Variants in THRB observed in about 807,000 individuals in gnomAD.
The protein encoded by THRB is nuclear receptor subfamily 1 group A member 2.
Under a neutral mutation model 47.8 loss-of-function variants are expected in THRB, and 12 were observed. The observed-to-expected ratio is 0.25, with a 90% CI of 0.16 to 0.41. The LOEUF is 0.41. Among genes scored for constraint, THRB ranks in the 10% least tolerant of loss-of-function variants. The pLI is 1.00. For synonymous variants in THRB, 218 were observed against 212.2 expected (o/e 1.03, Z -0.24); for missense variants, 348 against 589.2 (o/e 0.59, Z 4.24).
chr3:24,175,725 C>T (rs937569699), intron 5 of THRB, among the ~76,000 whole-genome samples: 5 of 152,056 alleles, frequency 3.3e-5, no homozygotes, highest in African/African-American at 1.2e-4. Flanking sequence ...TAAAAAAATG[C>T]AAAAATATTT....
intron 4 of THRB, among the ~76,000 whole-genome samples, chr3:24,228,101 A>G (rs2047858468): frequency 1.3e-5 from 2 of 152,198 alleles, no homozygotes; most frequent in African/African-American, 4.8e-5. Flanking sequence ...GTGATTGCTT[A>G]GAGTGGGAGA....
intron 1 of THRB, among the ~76,000 whole-genome samples, chr3:24,340,019 G>T (rs1288557506): frequency 6.6e-6 from 1 of 152,216 alleles, no homozygotes; most frequent in African/African-American, 2.4e-5. Flanking sequence ...GCATGAAACA[G>T]TTCATTTTGT....
intron 5 of THRB, among the ~76,000 whole-genome samples, chr3:24,183,368 C>CTTT (rs1193344905): frequency 1.0e-3 from 85 of 84,212 alleles, no homozygotes; most frequent in African/African-American, 2.9e-3. Flanking sequence ...TTTTTCTTTT[C>CTTT]TTTTTTTTTT....
intron 5 of THRB, among the ~76,000 whole-genome samples, chr3:24,166,684 T>G (rs551991158): frequency 6.6e-6 from 1 of 152,312 alleles, no homozygotes; most frequent in African/African-American, 2.4e-5. Flanking sequence ...AGGGATTCCT[T>G]CCGTTTCTTA....
Position 24,122,843 on chromosome 3 carries a change from C to A in THRB, c.*41G>T. 1 of 1,613,824 alleles carries A rather than the reference C, an allele frequency of 6.2e-7. No individual in the cohort carries two copies. Among genetic ancestry groups the A allele is most frequent in the South Asian group, 1.1e-5 (1 of 91,048 alleles). On this transcript the variant is annotated 3_prime_UTR_variant, in exon 11 of 11. Coordinates refer to ENST00000646209, the MANE Select transcript of THRB (RefSeq NM_001354712.2). ...GCTAGGCAATGGAATGAAATGACAC[C>A]CAGTAGTGCTGTAGGAATTATGAGA...
chr3:24,123,787 G>A (rs1444494745), intron 10 of THRB, among the ~76,000 whole-genome samples: 1 of 152,144 alleles, frequency 6.6e-6, no homozygotes, highest in African/African-American at 2.4e-5. Context: ...ACCCCATGCA[G>A]AGAAGAGAAC....
chr3:24,208,429 C>T (rs939572933), intron 4 of THRB, among the ~76,000 whole-genome samples: 21 of 152,250 alleles, frequency 1.4e-4, no homozygotes, highest in South Asian at 2.1e-4. Flanking sequence ...GGAGGCATCA[C>T]GCTACCTGGC....
At chr3:24,335,829 G>A (rs1344584880) in intron 2 of THRB, among the ~76,000 whole-genome samples, 1 of 152,178 alleles carries the variant, frequency 6.6e-6, no homozygotes, top group Non-Finnish European at 1.5e-5. Flanking sequence ...TCTGTAAATT[G>A]AGGAGAATGC....
chr3:24,361,488 G>T (rs939014069), intron 1 of THRB, among the ~76,000 whole-genome samples: 3 of 152,064 alleles, frequency 2.0e-5, no homozygotes, highest in Non-Finnish European at 4.4e-5. Flanking sequence ...CAAAAAGAGG[G>T]GGCAGGAGGC....
intron 1 of THRB, among the ~76,000 whole-genome samples, chr3:24,442,785 T>C (rs914498344): frequency 3.5e-5 from 5 of 141,966 alleles, no homozygotes; most frequent in Non-Finnish European, 6.2e-5. Context: ...GATCGTGCCA[T>C]TGTACTCCAG....
At chr3:24,440,354 G>A (rs2125394382) in intron 1 of THRB, among the ~76,000 whole-genome samples, 1 of 152,086 alleles carries the variant, frequency 6.6e-6, no homozygotes, top group Middle Eastern at 3.4e-3. Flanking sequence ...TACCTTGATG[G>A]GGCTAAGAGT....
At chr3:24,233,563 G>GAAAGAAAGAGAAAGAA (rs2048489441) in intron 3 of THRB, among the ~76,000 whole-genome samples, 1 of 77,352 alleles carries the variant, frequency 1.3e-5, no homozygotes, top group Non-Finnish European at 3.1e-5. Context: ...GAAAAAGGAA[G>GAAAGAAAGAGAAAGAA]AAAGAAAGAA....
intron 3 of THRB, among the ~76,000 whole-genome samples, chr3:24,263,047 G>A (rs2052243080): frequency 6.6e-6 from 1 of 152,138 alleles, no homozygotes; most frequent in Non-Finnish European, 1.5e-5. Context: ...ATATTAGTGT[G>A]ACATACAGGG....
chr3:24,491,333 C>A (rs1560320692), intron 1 of THRB, among the ~76,000 whole-genome samples: 1 of 152,170 alleles, frequency 6.6e-6, no homozygotes, highest in East Asian at 1.9e-4. Flanking sequence ...AAACAAATCA[C>A]CATAATCTTC....
rs1406988134 is a variant in THRB, at chr3:24,120,907, T to C, written c.*1977A>G. The stretch of plus-strand genomic sequence containing the variant: ...AAGCCAGTACAATTGCTTTCATGCA[T>C]TGAATATTTAATTCCCCGCTCCCAG... On this transcript the variant is annotated 3_prime_UTR_variant, in exon 11 of 11. Transcript: ENST00000646209. 3.3e-5 allele frequency: 5 copies of C among 152,242 alleles called. No individual in the cohort carries two copies. Among genetic ancestry groups the C allele is most frequent in the Non-Finnish European group, 7.3e-5 (5 of 68,036 alleles). The allele number at this position is 152,242 out of a possible 1,614,324, so 9.4% of individuals were successfully genotyped here.
At chr3:24,381,339 T>G (rs980925607) in intron 1 of THRB, among the ~76,000 whole-genome samples, 1 of 152,046 alleles carries the variant, frequency 6.6e-6, no homozygotes, top group Non-Finnish European at 1.5e-5. Flanking sequence ...GAAAAGCACT[T>G]CTAGGAGAGT....
At chr3:24,157,353 A>G (rs1260289992) in intron 5 of THRB, among the ~76,000 whole-genome samples, 1 of 151,902 alleles carries the variant, frequency 6.6e-6, no homozygotes, top group Non-Finnish European at 1.5e-5. Flanking sequence ...AGGAGGGGCG[A>G]GCAGGAGGAC....
chr3:24,454,678 G>T (rs534322729), intron 1 of THRB, among the ~76,000 whole-genome samples: 2 of 152,116 alleles, frequency 1.3e-5, no homozygotes, highest in African/African-American at 2.4e-5. Context: ...TCCTCATATA[G>T]AATTTATAAT....
intron 2 of THRB, among the ~76,000 whole-genome samples, chr3:24,324,781 G>C (rs2058703756): frequency 6.6e-6 from 1 of 152,140 alleles, no homozygotes; most frequent in African/African-American, 2.4e-5. Flanking sequence ...GTAATCTGTT[G>C]GTTGCTAAAT....
Sources: allele counts gnomAD v4.1 joint callset (sites outside exome capture counted in the v4.1 genomes callset), GRCh38; gene constraint gnomAD v4.1.1; transcripts MANE v1.5; gene names NCBI Gene and HGNC (gene_info 2026-07-23, HGNC 2026-07-21).